The following RIMS2 variants were observed in gnomAD, a reference collection of about 807,000 sequenced individuals.
The protein encoded by RIMS2 is regulating synaptic membrane exocytosis 2, also known as regulating synaptic membrane exocytosis protein 2.
In RIMS2, 59 loss-of-function variants were observed where a neutral mutation model predicts 174.4. The observed-to-expected ratio is 0.34, with a 90% CI of 0.27 to 0.42. RIMS2 has a LOEUF of 0.42. RIMS2 is among the 10% of genes least tolerant of loss of function. RIMS2 has a pLI of 1.00. For synonymous variants in RIMS2, 606 were observed against 572.5 expected, an observed-to-expected ratio of 1.06 and a Z score of -0.84; for missense variants, 1,620 against 1,666.3, an observed-to-expected ratio of 0.97 and a Z score of 0.48.
At chr8:103,801,528 C>G (rs11987737) in intron 3 of RIMS2, among the ~76,000 whole-genome samples, 2,376 of 152,246 alleles carry the variant, frequency 0.016, 50 homozygotes, top group African/African-American at 0.051. Flanking sequence ...TTTTCATGTT[C>G]CATACTAATC....
chr8:103,903,541 A>G (rs777654651), intron 4 of RIMS2, among the ~76,000 whole-genome samples: 26 of 152,182 alleles, frequency 1.7e-4, no homozygotes, highest in Non-Finnish European at 3.2e-4. Context: ...ACATACACAC[A>G]TAATTAGGTT....
intron 16 of RIMS2, among the ~76,000 whole-genome samples, chr8:103,978,687 T>C (rs4734085): frequency 0.37 from 56,607 of 152,020 alleles, 11,349 homozygotes; most frequent in Non-Finnish European, 0.43. Context: ...TAAAGAGCTT[T>C]TAAAGATAGG....
At chr8:103,536,760 A>C (rs971112434) in intron 1 of RIMS2, among the ~76,000 whole-genome samples, 1 of 152,200 alleles carries the variant, frequency 6.6e-6, no homozygotes, top group East Asian at 1.9e-4. Flanking sequence ...CTCTGCCCCT[A>C]TGATCCAATC....
chr8:103,564,509 G>A (rs1433146762), intron 1 of RIMS2, among the ~76,000 whole-genome samples: 1 of 152,156 alleles, frequency 6.6e-6, no homozygotes, highest in Non-Finnish European at 1.5e-5. Flanking sequence ...CTCAAAAGTA[G>A]GGAGGCTGAC....
At chr8:103,849,630 A>G (rs2098986790) in intron 3 of RIMS2, among the ~76,000 whole-genome samples, 1 of 152,018 alleles carries the variant, frequency 6.6e-6, no homozygotes, top group South Asian at 2.1e-4. Context: ...TGGGGAGGGA[A>G]TAGCAGTGCT....
At chr8:104,058,709 A>G (rs372599402) in intron 19 of RIMS2, among the ~76,000 whole-genome samples, 3 of 152,168 alleles carry the variant, frequency 2.0e-5, no homozygotes, top group Non-Finnish European at 4.4e-5. Context: ...TAGGTCTAAC[A>G]TTTAAGTCTT....
chr8:104,070,572 A>G (rs2097179356), intron 19 of RIMS2, among the ~76,000 whole-genome samples: 1 of 152,202 alleles, frequency 6.6e-6, no homozygotes, highest in African/African-American at 2.4e-5. Context: ...CTACAACTAA[A>G]TAGACACACC....
At chr8:103,547,401 T>C (rs1845624134) in intron 1 of RIMS2, among the ~76,000 whole-genome samples, 1 of 152,172 alleles carries the variant, frequency 6.6e-6, no homozygotes, top group African/African-American at 2.4e-5. Flanking sequence ...AATCTTCTCC[T>C]GAATGACTTT....
intron 3 of RIMS2, among the ~76,000 whole-genome samples, chr8:103,817,934 T>C (rs1290961678): frequency 6.6e-6 from 1 of 152,080 alleles, no homozygotes. Context: ...TTTTTAGGTA[T>C]GTATGTGTGT....
chr8:103,655,365 T>A (rs1331581596), intron 1 of RIMS2, among the ~76,000 whole-genome samples: 1 of 152,034 alleles, frequency 6.6e-6, no homozygotes, highest in Non-Finnish European at 1.5e-5. Context: ...AGCCTCTGGA[T>A]AATTAAAGAT....
chr8:104,114,024 A>T (rs1027790221), intron 19 of RIMS2, among the ~76,000 whole-genome samples: 2 of 152,028 alleles, frequency 1.3e-5, no homozygotes, highest in African/African-American at 4.8e-5. Flanking sequence ...TGGGTTGAAT[A>T]GTTAAAATGA....
chr8:103,969,885 A>C (rs1390611435), intron 15 of RIMS2, among the ~76,000 whole-genome samples: 1 of 152,074 alleles, frequency 6.6e-6, no homozygotes, highest in Non-Finnish European at 1.5e-5. Context: ...ACTAGCTGGG[A>C]CTATGGGTGT....
intron 1 of RIMS2, among the ~76,000 whole-genome samples, chr8:103,546,158 C>T (rs1844978722): frequency 6.6e-6 from 1 of 152,146 alleles, no homozygotes; most frequent in Non-Finnish European, 1.5e-5. Flanking sequence ...CATTGATACC[C>T]ATAGGCTCAA....
At chr8:104,156,208 C>A (rs1045638864) in intron 19 of RIMS2, among the ~76,000 whole-genome samples, 1 of 152,174 alleles carries the variant, frequency 6.6e-6, no homozygotes, top group African/African-American at 2.4e-5. Flanking sequence ...GTGGCCTTTT[C>A]TGTAGTCATC....
intron 3 of RIMS2, among the ~76,000 whole-genome samples, chr8:103,839,073 A>G (rs570578110): frequency 1.3e-5 from 2 of 152,272 alleles, no homozygotes; most frequent in East Asian, 3.9e-4. Context: ...TCAAAAAAAA[A>G]GGCCTATTAA....
chr8:103,595,521 G>T (rs1412406360), intron 1 of RIMS2, among the ~76,000 whole-genome samples: 1 of 151,844 alleles, frequency 6.6e-6, no homozygotes, highest in Admixed American at 6.6e-5. Flanking sequence ...ATTTAGAAAA[G>T]GATAGACTTA....
chr8:104,122,620 T>G (rs961615314), intron 19 of RIMS2, among the ~76,000 whole-genome samples: 5 of 152,176 alleles, frequency 3.3e-5, no homozygotes, highest in Non-Finnish European at 7.4e-5. Flanking sequence ...AATTTTCATG[T>G]AAGGCCTGAA....
chr8:103,782,262 C>CA (rs2098398760), intron 3 of RIMS2, among the ~76,000 whole-genome samples: 1 of 151,556 alleles, frequency 6.6e-6, no homozygotes, highest in Non-Finnish European at 1.5e-5. Context: ...CCTTATCTTT[C>CA]TTTTTTAATT....
intron 1 of RIMS2, among the ~76,000 whole-genome samples, chr8:103,693,012 T>G (rs1488130575): frequency 6.6e-6 from 1 of 152,180 alleles, no homozygotes. Context: ...CCAGACCCCT[T>G]TAGCTCATGG....
Sources: allele counts gnomAD v4.1 joint callset (sites outside exome capture counted in the v4.1 genomes callset), GRCh38; gene constraint gnomAD v4.1.1; transcripts MANE v1.5; gene names NCBI Gene and HGNC (gene_info 2026-07-23, HGNC 2026-07-21).